IPO9: variants seen among roughly 807,000 people sequenced by gnomAD.
IPO9 encodes the protein importin 9, also known as importin-9.
A neutral mutation model predicts 128.6 loss-of-function variants in IPO9; 28 were observed. That is an observed-to-expected ratio of 0.22 (90% CI 0.16 to 0.30). The LOEUF (loss-of-function observed/expected upper bound fraction) is 0.30, where lower values mean the gene tolerates loss of function less well. Among genes scored for constraint, IPO9 ranks in the 10% least tolerant of loss-of-function variants. The pLI is 1.00. For missense variants in IPO9, 935 were observed against 1,293.9 expected (o/e 0.72, Z 4.26); for synonymous variants, 455 against 475.8 (o/e 0.96, Z 0.57).
intron 13 of IPO9, among the ~76,000 whole-genome samples, chr1:201,860,103 C>A (rs1680415862): frequency 1.3e-5 from 2 of 152,216 alleles, no homozygotes; most frequent in African/African-American, 4.8e-5. Context: ...GGAGCCAGAT[C>A]ACCATCCGAA....
Position 201,877,993 on chromosome 1 carries a change from A to T in IPO9, c.*1939A>T, listed in dbSNP as rs137957763. The T allele has an allele frequency of 2.6e-5, 4 of 152,152 alleles. No individual in the cohort carries two copies. Among genetic ancestry groups the T allele is most frequent in the Non-Finnish European group, 5.9e-5 (4 of 68,026 alleles). The allele number at this position is 152,152 out of a possible 1,614,324, so 9.4% of individuals were successfully genotyped here. ...TCCACTCAAGGGGATGGCCCCAAGG[A>T]TATTGTAGCTGGTAATTTCTTCATG... On this transcript the variant is annotated 3_prime_UTR_variant, in exon 24 of 24. Transcript: ENST00000361565.
At chr1:201,829,523 G>A in intron 1 of IPO9, 151 bp downstream of exon 1, 1 of 772,374 alleles carries the variant, frequency 1.3e-6, no homozygotes, top group East Asian at 3.5e-5. Flanking sequence ...TGTCGCTGGT[G>A]GTTGTGAAAG....
At chr1:201,841,106 A>T (rs12096916) in intron 1 of IPO9, among the ~76,000 whole-genome samples, 2,080 of 152,324 alleles carry the variant, frequency 0.014, 42 homozygotes, top group African/African-American at 0.045. Flanking sequence ...AATGGAGCAG[A>T]AGTAGTAACA....
Position 201,858,441 on chromosome 1 carries a change from C to A in IPO9, c.1222-6C>A, listed in dbSNP as rs755623303. The A allele has an allele frequency of 2.8e-5, 42 of 1,512,320 alleles. No homozygotes were observed. The highest frequency in any genetic ancestry group is 3.5e-5 in the Non-Finnish European group (39 of 1,116,642). 93.7% of individuals were successfully genotyped at this position (1,512,320 alleles called of 1,614,324 possible). A position where few individuals can be genotyped will look rare whatever the true frequency, so the allele number is the denominator to read the frequency against. ...AACAGATTTATTAGCTCTTCTCTCT[C>A]TATAGGCTGTGGCCACAGATTTCCA... On this transcript the variant is annotated splice_polypyrimidine_tract_variant and splice_region_variant and intron_variant, in intron 11 of 23. Coordinates refer to ENST00000361565, the MANE Select transcript of IPO9 (RefSeq NM_018085.5).
At chr1:201,855,666 A>G (rs1680316770) in intron 9 of IPO9, 117 bp from the exon 10 acceptor site, 2 of 903,438 alleles carry the variant, frequency 2.2e-6, no homozygotes, top group East Asian at 2.7e-5. Context: ...AGGAATGATC[A>G]TTAGCAAGTA....
Position 201,870,577 on chromosome 1 carries a change from C to T in IPO9, c.2134-6C>T. ...CTAATCTTGCTTGCCACCCCTGTCT[C>T]CCCAGAATGGCGGAGAGTGCTTGCG... is the stretch of plus-strand genomic sequence containing the variant. On this transcript the variant is annotated splice_region_variant and splice_polypyrimidine_tract_variant and intron_variant, in intron 17 of 23. Transcript: ENST00000361565. The surrounding 1 kb of genome is among the most constrained non-coding windows in gnomAD (Gnocchi z 4.9). 6.2e-7 allele frequency: 1 copy of T among 1,610,010 alleles called. No homozygotes were observed. The highest frequency in any genetic ancestry group is 1.1e-5 in the South Asian group (1 of 90,992).
intron 2 of IPO9, 49 bp downstream of exon 2, chr1:201,847,389 A>G (rs1181553773): frequency 1.3e-6 from 2 of 1,554,046 alleles, no homozygotes. Context: ...TTCCTTGGTA[A>G]TGAAACTTTC....
intron 1 of IPO9, among the ~76,000 whole-genome samples, chr1:201,842,633 C>T (rs2820316): frequency 0.27 from 41,655 of 152,090 alleles, 5,963 homozygotes; most frequent in Non-Finnish European, 0.33. Context: ...AGACCAAATA[C>T]ATATTTCACA....
intron 1 of IPO9, among the ~76,000 whole-genome samples, chr1:201,840,746 GATATA>G (rs1055986082): frequency 6.6e-6 from 1 of 152,040 alleles, no homozygotes; most frequent in African/African-American, 2.4e-5. Context: ...GAAATCCCAA[GATATA>G]ATGTTAGCTG....
intron 9 of IPO9, 62 bp from the exon 10 acceptor site, chr1:201,855,721 T>C: frequency 2.8e-6 from 4 of 1,415,854 alleles, no homozygotes; most frequent in Non-Finnish European, 3.9e-6. Flanking sequence ...GTTCATTTTC[T>C]GCATATATGC....
chr1:201,862,590 T>G (rs1041550451), intron 13 of IPO9, among the ~76,000 whole-genome samples: 3 of 151,968 alleles, frequency 2.0e-5, no homozygotes, highest in East Asian at 1.9e-4. Context: ...GCAGATCACC[T>G]AAGGTCAGGA....
chr1:201,874,403 T>G (rs955607225), intron 21 of IPO9, 31 bp downstream of exon 21: 8 of 1,579,324 alleles, frequency 5.1e-6, no homozygotes, highest in Non-Finnish European at 6.0e-6. Flanking sequence ...CAGGAGACTT[T>G]TAGCCTGGCA....
At chr1:201,854,520 T>C (rs772682714) in intron 6 of IPO9, 75 bp from the exon 7 acceptor site, 26 of 1,557,360 alleles carry the variant, frequency 1.7e-5, no homozygotes, top group Middle Eastern at 2.4e-4. Flanking sequence ...CTTTCAAATA[T>C]CAGTGTTTGA....
intron 4 of IPO9, chr1:201,850,504 T>G (rs1680195105): frequency 6.6e-6 from 1 of 152,130 alleles, no homozygotes; most frequent in Non-Finnish European, 1.5e-5. Context: ...CAGCTAAGGA[T>G]TAGAAGATTT....
chr1:201,880,587 A>C lies in IPO9; in HGVS notation c.*4533A>C, dbSNP rs1680867039. ...ACCCATGATCAGTAAGTAGGAAATAAAAGGCCAATTTCTGGCTACTCTTGC... is the reference window on the plus strand; with the variant it reads ...ACCCATGATCAGTAAGTAGGAAATACAAGGCCAATTTCTGGCTACTCTTGC... On this transcript the variant is annotated 3_prime_UTR_variant, in exon 24 of 24. Coordinates refer to ENST00000361565, the MANE Select transcript of IPO9 (RefSeq NM_018085.5). 6.6e-6 allele frequency: 1 copy of C among 152,256 alleles called. No individual in the cohort carries two copies. The highest frequency in any genetic ancestry group is 2.4e-5 in the African/African-American group (1 of 41,454). 9.4% of individuals were successfully genotyped at this position (152,256 alleles called of 1,614,324 possible).
chr1:201,870,554 A>T lies in IPO9; in HGVS notation c.2134-29A>T. 6.2e-7 allele frequency: 1 copy of T among 1,601,692 alleles called. No individual in the cohort carries two copies. The highest frequency in any genetic ancestry group is 8.5e-7 in the Non-Finnish European group (1 of 1,171,606). On this transcript the variant is annotated intron_variant, in intron 17 of 23. Transcript: ENST00000361565. The surrounding 1 kb of genome is among the most constrained non-coding windows in gnomAD (Gnocchi z 4.9). ...TTCTGGCATCTGTCCCTCGATTACT[A>T]ATCTTGCTTGCCACCCCTGTCTCCC...
chr1:201,866,898 A>G lies in IPO9; in HGVS notation c.1794A>G (p.Thr598=). The G allele has an allele frequency of 6.2e-7, 1 of 1,614,216 alleles. No individual in the cohort carries two copies. Among genetic ancestry groups the G allele is most frequent in the Non-Finnish European group, 8.5e-7 (1 of 1,180,042 alleles). Residue 598 remains threonine (T), a synonymous_variant, in exon 15 of 24, where the codon ACA becomes ACG. Transcript: ENST00000361565. ...TTTGTACAGTAGACCCCGAATTCACAGCAAGCATGGAAAGCAAAATCTGCC... is the reference window on the plus strand; with the variant it reads ...TTTGTACAGTAGACCCCGAATTCACGGCAAGCATGGAAAGCAAAATCTGCC... ...CIVCTVDPEF[T]ASMESKICPF...
At chr1:201,847,374 T>G in intron 2 of IPO9, 34 bp downstream of exon 2, 1 of 1,583,462 alleles carries the variant, frequency 6.3e-7, no homozygotes, top group Non-Finnish European at 8.7e-7. Flanking sequence ...ATAAATAGTT[T>G]CCCTTTCCTT....
At chr1:201,869,862 C>A in intron 17 of IPO9, 144 bp downstream of exon 17, 1 of 1,088,110 alleles carries the variant, frequency 9.2e-7, no homozygotes, top group Non-Finnish European at 1.3e-6. Context: ...AGGAAGGGTT[C>A]AGTCTGCAAA....
Sources: allele counts gnomAD v4.1 joint callset (sites outside exome capture counted in the v4.1 genomes callset), GRCh38; gene constraint gnomAD v4.1.1; non-coding constraint Gnocchi (gnomAD v3.1); transcripts MANE v1.5; gene names NCBI Gene and HGNC (gene_info 2026-07-23, HGNC 2026-07-21).